SPAG17: variants seen among roughly 807,000 people sequenced by gnomAD.
SPAG17 encodes the protein sperm-associated antigen 17.
SPAG17 carries 169 observed loss-of-function variants against 273.6 expected under a neutral mutation model. The ratio of observed to expected loss-of-function variants is 0.62; its 90% CI spans 0.55 to 0.70. SPAG17 has a LOEUF of 0.70. Ranked by LOEUF, SPAG17 falls within the 30% of genes least tolerant of loss-of-function variation. The pLI is 0.00. For synonymous variants in SPAG17, 825 were observed against 873.2 expected, an observed-to-expected ratio of 0.94 and a Z score of 0.97; for missense variants, 2,557 against 2,627.8, an observed-to-expected ratio of 0.97 and a Z score of 0.59.
chr1:118,182,371 G>A (rs987583415), intron 1 of SPAG17, among the ~76,000 whole-genome samples: 8 of 152,106 alleles, frequency 5.3e-5, no homozygotes, highest in African/African-American at 1.4e-4. Context: ...GTGGCCAATA[G>A]AGCCTGCCTT....
Position 118,044,206 on chromosome 1 carries a change from T to G in SPAG17, c.2815-2164A>C, listed in dbSNP as rs574126422. ...ATTTACCAGCACACCGCTGAATGTTTTCAGAGCAGCTAGAGAGAAAAGATG... is the reference window on the plus strand; with the variant it reads ...ATTTACCAGCACACCGCTGAATGTTGTCAGAGCAGCTAGAGAGAAAAGATG... On this transcript the variant is annotated intron_variant, in intron 20 of 48. Coordinates refer to ENST00000336338, the MANE Select transcript of SPAG17 (RefSeq NM_206996.4). 1.2e-3 allele frequency among the ~76,000 whole-genome samples: 176 copies of G among 152,306 alleles called. 2 individuals are homozygous for G. Among genetic ancestry groups the G allele is most frequent in the African/African-American group, 4.0e-3 (167 of 41,566 alleles).
At chr1:118,128,724 T>C (rs1381658833) in intron 3 of SPAG17, among the ~76,000 whole-genome samples, 1 of 152,190 alleles carries the variant, frequency 6.6e-6, no homozygotes, top group Non-Finnish European at 1.5e-5. Flanking sequence ...CTAGATGTGT[T>C]AATTTAGCCT....
intron 7 of SPAG17, among the ~76,000 whole-genome samples, chr1:118,094,328 C>G (rs138132910): frequency 6.6e-6 from 1 of 152,202 alleles, no homozygotes; most frequent in Admixed American, 6.5e-5. Context: ...TAAAATGAAA[C>G]AGCAAATCAC....
chr1:118,154,419 G>T (rs1439442605), intron 1 of SPAG17, among the ~76,000 whole-genome samples: 1 of 152,088 alleles, frequency 6.6e-6, no homozygotes, highest in Non-Finnish European at 1.5e-5. Context: ...AGCTGCAGCA[G>T]GGGGGCAGTA....
At chr1:117,987,766 C>A in intron 40 of SPAG17, 68 bp downstream of exon 40, 1 of 1,536,192 alleles carries the variant, frequency 6.5e-7, no homozygotes, top group South Asian at 1.2e-5. Context: ...ACATTTTGGC[C>A]TATCCCATTC....
rs111930764 is a variant in SPAG17 at position 118,041,935 on chromosome 1, G to A, written c.2922C>T (p.Asn974=). The change falls in exon 21 of 49, where the codon AAC becomes AAT. Residue 974 remains asparagine (N), a synonymous_variant. Transcript: ENST00000336338. The part of the protein sequence containing the change: ...KEAGKKKGKD[N]AEKEDSRSLK... ...AAGACCTACTATCCTCTTTCTCTGCGTTATCCTTGCCTTTCTTTTTACCAG... is the reference window on the plus strand; with the variant it reads ...AAGACCTACTATCCTCTTTCTCTGCATTATCCTTGCCTTTCTTTTTACCAG... 2.4e-5 allele frequency: 38 copies of A among 1,613,772 alleles called. No homozygotes were observed. The highest frequency in any genetic ancestry group is 1.3e-4 in the East Asian group (6 of 44,850).
intron 32 of SPAG17, among the ~76,000 whole-genome samples, chr1:118,004,121 G>A (rs1658606596): frequency 6.6e-6 from 1 of 152,118 alleles, no homozygotes; most frequent in Admixed American, 6.6e-5. Flanking sequence ...TATCACTAGT[G>A]GAGGCTGCAG....
At chr1:118,016,241 A>G in intron 28 of SPAG17, 59 bp from the exon 29 acceptor site, 1 of 1,317,126 alleles carries the variant, frequency 7.6e-7, no homozygotes. Context: ...AATTATATAC[A>G]TCATTCACTA....
In SPAG17 at chr1:118,031,706, C is replaced by G. The variant is rs145810286; in HGVS notation, c.3595G>C (p.Glu1199Gln). 73 of 1,612,852 alleles carry G rather than the reference C, an allele frequency of 4.5e-5. No homozygotes were observed. The highest frequency in any genetic ancestry group is 6.0e-5 in the Non-Finnish European group (71 of 1,179,612). ...GGTTCATTTACCTTTTTCTCTTCTT[C>G]TTTTGGGTGTTCTTCTTCTTTAAGG... is the stretch of plus-strand genomic sequence containing the variant. The part of the protein sequence containing the change: ...ESLKEEEHPK[E>Q]EEKKEEEVEP... The change falls in exon 25 of 49, where the codon GAA (glutamate) becomes CAA (glutamine). Residue 1199 changes from glutamate to glutamine, a missense_variant. Physicochemically the swap from Glu to Gln is conservative, Grantham distance 29. Coordinates refer to ENST00000336338, the MANE Select transcript of SPAG17 (RefSeq NM_206996.4).
intron 10 of SPAG17, among the ~76,000 whole-genome samples, chr1:118,088,204 C>G (rs2102176362): frequency 6.6e-6 from 1 of 152,296 alleles, no homozygotes; most frequent in South Asian, 2.1e-4. Flanking sequence ...CATCCCATCA[C>G]TCCTATATTT....
intron 1 of SPAG17, among the ~76,000 whole-genome samples, chr1:118,152,479 T>C (rs894090400): frequency 1.3e-5 from 2 of 152,206 alleles, no homozygotes; most frequent in African/African-American, 2.4e-5. Flanking sequence ...GAAAATACTT[T>C]AGTATTAATT....
chr1:118,168,101 A>T (rs1660254819), intron 1 of SPAG17, among the ~76,000 whole-genome samples: 2 of 152,176 alleles, frequency 1.3e-5, no homozygotes, highest in Non-Finnish European at 2.9e-5. Flanking sequence ...TTTCTTTATA[A>T]GTTATCCAGT....
At chr1:118,175,350 A>G (rs945291854) in intron 1 of SPAG17, among the ~76,000 whole-genome samples, 1 of 152,142 alleles carries the variant, frequency 6.6e-6, no homozygotes, top group Non-Finnish European at 1.5e-5. Context: ...ACATTCCCAG[A>G]AAACCAAAAG....
intron 6 of SPAG17, 136 bp downstream of exon 6, chr1:118,099,470 T>C (rs1351390620): frequency 3.2e-6 from 3 of 937,736 alleles, no homozygotes; most frequent in Admixed American, 4.5e-5. Flanking sequence ...GCAGAGTAAA[T>C]GGCAAATCAA....
chr1:118,074,566 T>G lies in SPAG17; in HGVS notation c.2244A>C (p.Ala748=). The change falls in exon 16 of 49, where the codon GCA becomes GCC. Residue 748 remains alanine (A), a synonymous_variant. Transcript: ENST00000336338. ...QTTNNEIKDD[A]VTKADSHEKK... The stretch of plus-strand genomic sequence containing the variant: ...TTTCATGAGAATCAGCCTTTGTGAC[T>G]GCATCATCTTTGATCTCATTGTTTG... The G allele has an allele frequency of 6.2e-7, 1 of 1,613,808 alleles. No individual in the cohort carries two copies.
chr1:118,030,932 T>C (rs995141897), intron 25 of SPAG17, among the ~76,000 whole-genome samples: 1 of 152,180 alleles, frequency 6.6e-6, no homozygotes, highest in African/African-American at 2.4e-5. Context: ...AGTAGAATGA[T>C]TTATAATCCT....
rs559970351 is a variant in SPAG17, at chr1:118,128,282, G to T, written c.316-12841C>A. Among the ~76,000 whole-genome samples, 27 of 152,218 alleles carry T rather than the reference G, an allele frequency of 1.8e-4. No individual in the cohort carries two copies. The South Asian group carries it at 4.6e-3, about 26-fold the overall frequency. ...ATATCCACCTTTACCAAATTTATTA[G>T]TTCTAAAAGTTTTTTGTGAAGTCTT... is the stretch of plus-strand genomic sequence containing the variant. On this transcript the variant is annotated intron_variant, in intron 3 of 48. Transcript: ENST00000336338.
chr1:118,030,059 T>G (rs1402822173), intron 25 of SPAG17, among the ~76,000 whole-genome samples: 2 of 152,178 alleles, frequency 1.3e-5, no homozygotes, highest in African/African-American at 2.4e-5. Flanking sequence ...AAATGTTAAG[T>G]GAACAAATTG....
chr1:118,006,967 A>T (rs527523546), intron 31 of SPAG17, among the ~76,000 whole-genome samples: 1 of 152,066 alleles, frequency 6.6e-6, no homozygotes, highest in Admixed American at 6.5e-5. Context: ...TTTATTGTTG[A>T]GTTATGAGAG....
Sources: allele counts gnomAD v4.1 joint callset (sites outside exome capture counted in the v4.1 genomes callset), GRCh38; gene constraint gnomAD v4.1.1; transcripts MANE v1.5; gene names NCBI Gene and HGNC (gene_info 2026-07-23, HGNC 2026-07-21).